Variants in NEGR1 observed in about 807,000 individuals in gnomAD.
NEGR1 encodes neuronal growth regulator 1.
A neutral mutation model predicts 40.9 loss-of-function variants in NEGR1; 10 were observed. That is an observed-to-expected ratio of 0.24 (90% confidence interval 0.15 to 0.42). The LOEUF (loss-of-function observed/expected upper bound fraction) is 0.42, where lower values mean the gene tolerates loss of function less well. Ranked by LOEUF, NEGR1 falls within the 10% of genes least tolerant of loss-of-function variation. The probability of loss-of-function intolerance (pLI) is 1.00; values close to 1 mark genes in which losing one functional copy is unlikely to be tolerated. For missense variants in NEGR1, 352 were observed against 438.9 expected, an observed-to-expected ratio of 0.80 and a Z score of 1.77; for synonymous variants, 185 against 166.8, an observed-to-expected ratio of 1.11 and a Z score of -0.84.
rs1488285309 is a variant in NEGR1 at position 71,621,720 on chromosome 1, TCTGTTCATTGTTTGAAA to T, written c.668-10591_668-10575del. Among the ~76,000 whole-genome samples, 4 of 151,996 alleles carry T rather than the reference TCTGTTCATTGTTTGAAA, an allele frequency of 2.6e-5. No homozygotes were observed. The East Asian group carries it at 7.8e-4, about 30-fold the overall frequency. ...TAACTCCCTAAACCCTCAATAACAA[TCTGTTCATTGTTTGAAA>T]CTATTAACCTAAGAGATTATTTTCC... On this transcript the variant is annotated intron_variant, in intron 4 of 6. Transcript: ENST00000357731.
chr1:72,073,841 A>C (rs1647587868), intron 1 of NEGR1, among the ~76,000 whole-genome samples: 1 of 152,092 alleles, frequency 6.6e-6, no homozygotes, highest in Non-Finnish European at 1.5e-5. Flanking sequence ...TAAGAAAGAA[A>C]AATGGAAAAT....
At chr1:72,049,462 T>G (rs1335796952) in intron 1 of NEGR1, among the ~76,000 whole-genome samples, 3 of 151,608 alleles carry the variant, frequency 2.0e-5, no homozygotes, top group Non-Finnish European at 3.0e-5. Context: ...TGACCACAAG[T>G]GGTAGCATGG....
intron 6 of NEGR1, among the ~76,000 whole-genome samples, chr1:71,409,210 TC>T (rs1646300320): frequency 6.6e-6 from 1 of 152,034 alleles, no homozygotes; most frequent in Admixed American, 6.6e-5. Context: ...CTCCTCATTG[TC>T]CCCTTTTCTA....
chr1:71,759,532 C>T (rs1240734569), intron 3 of NEGR1, among the ~76,000 whole-genome samples: 3 of 147,998 alleles, frequency 2.0e-5, no homozygotes, highest in African/African-American at 7.4e-5. Flanking sequence ...CTCCTGATCT[C>T]GCGATCCACT....
chr1:71,940,326 C>T (rs1645947504), intron 1 of NEGR1, among the ~76,000 whole-genome samples: 1 of 152,060 alleles, frequency 6.6e-6, no homozygotes, highest in African/African-American at 2.4e-5. Context: ...TAAAAATCTG[C>T]TAGACTACCT....
intron 2 of NEGR1, among the ~76,000 whole-genome samples, chr1:71,869,059 C>A (rs1660201788): frequency 6.6e-6 from 1 of 152,164 alleles, no homozygotes; most frequent in South Asian, 2.1e-4. Flanking sequence ...TCCTACACTA[C>A]ACCAAAAACT....
intron 1 of NEGR1, among the ~76,000 whole-genome samples, chr1:72,160,449 A>G (rs901194119): frequency 6.6e-6 from 1 of 152,166 alleles, no homozygotes; most frequent in Admixed American, 6.6e-5. Flanking sequence ...AGGATATTAT[A>G]TTTCAGGAAT....
At chr1:71,726,538 C>T (rs1394591895) in intron 3 of NEGR1, among the ~76,000 whole-genome samples, 1 of 152,004 alleles carries the variant, frequency 6.6e-6, no homozygotes, top group Non-Finnish European at 1.5e-5. Flanking sequence ...CTTGGTAATG[C>T]TTTCTTTTAT....
chr1:71,902,300 C>G (rs1661164139), intron 2 of NEGR1, among the ~76,000 whole-genome samples: 1 of 152,060 alleles, frequency 6.6e-6, no homozygotes, highest in Non-Finnish European at 1.5e-5. Context: ...GACATGTATT[C>G]GTTAAAGCTT....
chr1:71,440,047 T>G (rs1302923487), intron 6 of NEGR1, among the ~76,000 whole-genome samples: 1 of 152,204 alleles, frequency 6.6e-6, no homozygotes, highest in African/African-American at 2.4e-5. Flanking sequence ...TTCTATGGCT[T>G]ACGAATCCAT....
intron 1 of NEGR1, among the ~76,000 whole-genome samples, chr1:72,154,470 A>T (rs1651286131): frequency 1.3e-5 from 2 of 152,036 alleles, no homozygotes; most frequent in South Asian, 4.1e-4. Flanking sequence ...AATGGGCTAC[A>T]TAAATTTCTA....
chr1:71,529,486 A>C (rs187316061), intron 6 of NEGR1, among the ~76,000 whole-genome samples: 505 of 151,332 alleles, frequency 3.3e-3, no homozygotes, highest in Non-Finnish European at 5.6e-3. Flanking sequence ...CCCAATAAAT[A>C]ATTTTAGGAT....
chr1:72,275,287 G>C, intron 1 of NEGR1: 1 of 467,590 alleles, frequency 2.1e-6, no homozygotes, highest in South Asian at 2.9e-5. Context: ...AGATACAGCA[G>C]AGTAATTAAA....
chr1:71,749,441 A>T (rs1655496070), intron 3 of NEGR1, among the ~76,000 whole-genome samples: 1 of 152,226 alleles, frequency 6.6e-6, no homozygotes. Context: ...TTATTACAAG[A>T]ATATGTAGTA....
intron 1 of NEGR1, among the ~76,000 whole-genome samples, chr1:72,006,941 T>C (rs192580791): frequency 6.6e-6 from 1 of 152,180 alleles, no homozygotes; most frequent in Non-Finnish European, 1.5e-5. Flanking sequence ...ACGGTCAAAA[T>C]TAATAGTGCA....
chr1:71,609,188 TA>T (rs199671945), intron 5 of NEGR1, among the ~76,000 whole-genome samples: 1 of 151,808 alleles, frequency 6.6e-6, no homozygotes, highest in East Asian at 1.9e-4. Context: ...ATAAAATAGC[TA>T]AAAAAAATTT....
chr1:72,163,008 T>A (rs764282674), intron 1 of NEGR1, among the ~76,000 whole-genome samples: 3 of 152,024 alleles, frequency 2.0e-5, no homozygotes, highest in Admixed American at 2.0e-4. Context: ...TGCTGGTGTT[T>A]AAAAAAATAG....
intron 1 of NEGR1, among the ~76,000 whole-genome samples, chr1:72,219,048 A>T (rs1370466017): frequency 6.6e-6 from 1 of 152,026 alleles, no homozygotes; most frequent in African/African-American, 2.4e-5. Context: ...AAGCGCCCAG[A>T]TACTTTTTCT....
chr1:71,559,038 TATATATAC>T (rs59197733), intron 6 of NEGR1, among the ~76,000 whole-genome samples: 38,223 of 135,016 alleles, frequency 0.28, 5,582 homozygotes, highest in East Asian at 0.63. Context: ...TATATATATA[TATATATAC>T]ACATATATAT....
Sources: gnomAD v4.1 joint callset for allele counts (sites outside exome capture counted in the v4.1 genomes callset) on GRCh38, gnomAD v4.1.1 for gene constraint, MANE v1.5 for transcripts, NCBI Gene and HGNC (gene_info 2026-07-23, HGNC 2026-07-21) for gene names.